The following UAP1 variants were observed in gnomAD, a reference collection of about 807,000 sequenced individuals.
UAP1 encodes the protein UDP-N-acetylglucosamine pyrophosphorylase 1.
Under a neutral mutation model 58.5 loss-of-function variants are expected in UAP1, and 25 were observed. That is an observed-to-expected ratio of 0.43 (90% confidence interval 0.31 to 0.60). The LOEUF is 0.60. UAP1 is among the 20% of genes least tolerant of loss of function. UAP1 has a pLI of 0.11. For synonymous variants in UAP1, 208 were observed against 213.0 expected (o/e 0.98, Z 0.21); for missense variants, 575 against 630.0 (o/e 0.91, Z 0.93).
At chr1:162,587,446 C>A in intron 5 of UAP1, 29 bp from the exon 6 acceptor site, 1 of 1,552,022 alleles carries the variant, frequency 6.4e-7, no homozygotes, top group Non-Finnish European at 8.8e-7. Flanking sequence ...ATTCAATTTC[C>A]TCCTCTACTG....
intron 1 of UAP1, among the ~76,000 whole-genome samples, chr1:162,563,011 C>G (rs758225211): frequency 1.3e-5 from 2 of 152,108 alleles, no homozygotes; most frequent in Non-Finnish European, 2.9e-5. Context: ...TATTTTGATG[C>G]AGATGGATTA....
intron 3 of UAP1, among the ~76,000 whole-genome samples, chr1:162,577,269 C>G (rs1177097956): frequency 6.6e-6 from 1 of 151,480 alleles, no homozygotes; most frequent in Non-Finnish European, 1.5e-5. Context: ...TTTCAGGTAC[C>G]AGGTTATTTA....
Position 162,596,465 on chromosome 1 carries a change from G to C in UAP1, c.1410-1327G>C, listed in dbSNP as rs570705914. Among the ~76,000 whole-genome samples, 4 of 152,316 alleles carry C rather than the reference G, an allele frequency of 2.6e-5. 1 individual carries two copies. In the South Asian group the frequency reaches 8.3e-4, roughly 32 times the overall value. On this transcript the variant is annotated intron_variant, in intron 9 of 10. Coordinates refer to ENST00000271469, the Ensembl canonical transcript of UAP1. ...GCTGGGATTACAGGTGTGAGCCACT[G>C]CACCCAGCCACATTTATTTTTTATA...
chr1:162,577,465 T>TC (rs1654271516), intron 3 of UAP1, among the ~76,000 whole-genome samples: 12 of 139,604 alleles, frequency 8.6e-5, no homozygotes, highest in South Asian at 2.4e-4. Flanking sequence ...TTTTTTTTTT[T>TC]TGAGACAGGG....
intron 1 of UAP1, among the ~76,000 whole-genome samples, chr1:162,564,266 T>A (rs1022822599): frequency 6.6e-6 from 1 of 151,988 alleles, no homozygotes; most frequent in Admixed American, 6.6e-5. Flanking sequence ...GTAAATGGAG[T>A]TTGATGTTTA....
At chr1:162,575,706 T>C (rs1408290607) in intron 2 of UAP1, among the ~76,000 whole-genome samples, 1 of 149,806 alleles carries the variant, frequency 6.7e-6, no homozygotes, top group Non-Finnish European at 1.5e-5. Flanking sequence ...TATGTTTTTG[T>C]ATTTTGTTTT....
intron 10 of UAP1, 95 bp from the exon 11 acceptor site, chr1:162,599,176 T>A (rs200233626): frequency 8.8e-6 from 6 of 681,076 alleles, no homozygotes; most frequent in Non-Finnish European, 1.5e-5. Flanking sequence ...CAACCTTTTT[T>A]GGCATTTGTG....
At chr1:162,577,051 A>ATATG in intron 3 of UAP1, 70 bp downstream of exon 3, 16 of 1,305,678 alleles carry the variant, frequency 1.2e-5, no homozygotes, top group Non-Finnish European at 1.6e-5. Flanking sequence ...ATGCATATAT[A>ATATG]CTTTATGCAC....
intron 2 of UAP1, among the ~76,000 whole-genome samples, chr1:162,568,175 G>C (rs946057542): frequency 6.6e-6 from 1 of 152,110 alleles, no homozygotes; most frequent in African/African-American, 2.4e-5. Context: ...TTACAACATG[G>C]CTATTTTTAT....
intron 5 of UAP1, among the ~76,000 whole-genome samples, chr1:162,587,154 A>G (rs1208799521): frequency 1.3e-5 from 2 of 152,188 alleles, no homozygotes; most frequent in East Asian, 1.9e-4. Context: ...TACAAGATAC[A>G]TGGGGGATGT....
At chr1:162,592,146 C>A (rs1407196471) in intron 8 of UAP1, among the ~76,000 whole-genome samples, 1 of 152,018 alleles carries the variant, frequency 6.6e-6, no homozygotes, top group Non-Finnish European at 1.5e-5. Context: ...GCCTGTAATC[C>A]CAGTATTTTG....
intron 1 of UAP1, among the ~76,000 whole-genome samples, chr1:162,564,430 G>A (rs1415568900): frequency 2.0e-5 from 3 of 152,190 alleles, no homozygotes; most frequent in Non-Finnish European, 2.9e-5. Context: ...GAGAAGATAA[G>A]TGTCTTTAGA....
At chr1:162,567,990 G>A (rs1381240181) in intron 2 of UAP1, among the ~76,000 whole-genome samples, 3 of 152,238 alleles carry the variant, frequency 2.0e-5, no homozygotes, top group Non-Finnish European at 2.9e-5. Flanking sequence ...TAGAGATGGG[G>A]TTTCACCATG....
At chr1:162,591,772 C>T (rs976190215) in intron 8 of UAP1, among the ~76,000 whole-genome samples, 9 of 150,992 alleles carry the variant, frequency 6.0e-5, no homozygotes, top group Admixed American at 2.0e-4. Flanking sequence ...AGGCGTGAGC[C>T]GCCATGTCTG....
At chr1:162,577,056 A>T in intron 3 of UAP1, 75 bp downstream of exon 3, 19 of 1,358,722 alleles carry the variant, frequency 1.4e-5, no homozygotes, top group Non-Finnish European at 1.7e-5. Context: ...TATATACTTT[A>T]TGCACTCACA....
exon 11 of UAP1, chr1:162,599,650 A>C (rs1018090397): frequency 4.0e-6 from 1 of 247,022 alleles, no homozygotes; most frequent in African/African-American, 2.2e-5. Context: ...AAATATAGGC[A>C]GGATGTTCAA....
At chr1:162,583,721 C>T (rs1654742209) in intron 5 of UAP1, among the ~76,000 whole-genome samples, 1 of 151,842 alleles carries the variant, frequency 6.6e-6, no homozygotes, top group Non-Finnish European at 1.5e-5. Context: ...CTTCTGCCTC[C>T]AGGCTCAGCA....
Position 162,581,604 on chromosome 1 carries a change from C to A in UAP1, c.834+145C>A, listed in dbSNP as rs921207389. 5.5e-5 allele frequency: 41 copies of A among 750,140 alleles called. No homozygotes were observed. In the African/African-American group the frequency reaches 6.7e-4, roughly 12 times the overall value. The allele number at this position is 750,140 out of a possible 1,614,324, so 46.5% of individuals were successfully genotyped here. ...TAAAGTAACTAAACGGTCCCACACCCACTTTTTTTCTTAAATTGGCAAGAC... is the reference window on the plus strand; with the variant it reads ...TAAAGTAACTAAACGGTCCCACACCAACTTTTTTTCTTAAATTGGCAAGAC... On this transcript the variant is annotated intron_variant, in intron 5 of 10. Transcript: ENST00000271469.
chr1:162,591,842 T>TG (rs1417062985), intron 8 of UAP1, among the ~76,000 whole-genome samples: 1 of 151,844 alleles, frequency 6.6e-6, no homozygotes. Flanking sequence ...TGGAGTGCAG[T>TG]GGCGCGATCT....
Sources: gnomAD v4.1 joint callset for allele counts (sites outside exome capture counted in the v4.1 genomes callset) on GRCh38, gnomAD v4.1.1 for gene constraint, MANE v1.5 for transcripts, NCBI Gene and HGNC (gene_info 2026-07-23, HGNC 2026-07-21) for gene names.